Variants in LCLAT1 observed in about 807,000 individuals in gnomAD.
LCLAT1 encodes the protein lysocardiolipin acyltransferase 1.
Under a neutral mutation model 30.7 loss-of-function variants are expected in LCLAT1, and 11 were observed. That is an observed-to-expected ratio of 0.36 (90% confidence interval 0.23 to 0.59). The LOEUF (loss-of-function observed/expected upper bound fraction) is 0.59. Ranked by LOEUF, LCLAT1 falls within the 20% of genes least tolerant of loss-of-function variation. The probability of loss-of-function intolerance (pLI) is 0.77; values close to 1 mark genes in which losing one functional copy is unlikely to be tolerated. For synonymous variants in LCLAT1, 155 were observed against 151.3 expected, an observed-to-expected ratio of 1.02 and a Z score of -0.18; for missense variants, 402 against 458.6, an observed-to-expected ratio of 0.88 and a Z score of 1.13.
intron 5 of LCLAT1, among the ~76,000 whole-genome samples, chr2:30,635,024 T>C (rs1381210893): frequency 1.3e-5 from 2 of 152,210 alleles, no homozygotes; most frequent in African/African-American, 4.8e-5. Flanking sequence ...AGAATTTGGC[T>C]CTTCTACTCA....
At chr2:30,504,558 G>A (rs958162307) in intron 1 of LCLAT1, among the ~76,000 whole-genome samples, 2 of 152,162 alleles carry the variant, frequency 1.3e-5, no homozygotes, top group African/African-American at 2.4e-5. Flanking sequence ...TGTATGGCAA[G>A]CAATCATCTT....
At chr2:30,527,689 A>G (rs1362708451) in intron 2 of LCLAT1, among the ~76,000 whole-genome samples, 1 of 152,206 alleles carries the variant, frequency 6.6e-6, no homozygotes, top group Non-Finnish European at 1.5e-5. Context: ...CTCTATAAAA[A>G]GGAGTCTTAA....
intron 3 of LCLAT1, among the ~76,000 whole-genome samples, chr2:30,545,476 A>C (rs1339371268): frequency 6.6e-6 from 1 of 152,164 alleles, no homozygotes; most frequent in Non-Finnish European, 1.5e-5. Context: ...AATGGCTGAG[A>C]GTTTAGAATA....
At position 30,545,202 on chromosome 2, in the gene LCLAT1, A is replaced by G. The variant is rs562763996; in HGVS notation, c.364+11888A>G. Reference sequence around the variant, plus strand: ...GTTTGCCAGTGAGAGTTAAAAAGGGAATTAAAGTTGGAGTTTGCAGGAGGA... The same window carrying G: ...GTTTGCCAGTGAGAGTTAAAAAGGGGATTAAAGTTGGAGTTTGCAGGAGGA... On this transcript the variant is annotated intron_variant, in intron 3 of 5. Transcript: ENST00000379509. 3.9e-4 allele frequency among the ~76,000 whole-genome samples: 60 copies of G among 152,284 alleles called. No homozygotes were observed. The South Asian group carries it at 7.9e-3, about 20-fold the overall frequency.
In LCLAT1 at chr2:30,637,670, C is replaced by T. The variant is rs80140106; in HGVS notation, c.629-2447C>T. ...TCAGCTCACTGCAACCTCTGCCTCC[C>T]GGGTTCAAGCAATTCTCCTGCCTCA... On this transcript the variant is annotated intron_variant, in intron 5 of 5. Coordinates refer to ENST00000379509, the MANE Select transcript of LCLAT1 (RefSeq NM_001002257.3). Among the ~76,000 whole-genome samples, 682 of 152,202 alleles carry T rather than the reference C, an allele frequency of 4.5e-3. 16 individuals are homozygous for T. In the East Asian group the frequency reaches 0.067, roughly 15 times the overall value.
chr2:30,617,872 T>C lies in LCLAT1; in HGVS notation c.629-22245T>C, dbSNP rs376970038. ...TTATTATGGGCTTGCAAGAATGTTT[T>C]ATATATCTTAGATACAAGTTATTTA... On this transcript the variant is annotated intron_variant, in intron 5 of 5. Transcript: ENST00000379509. 3.9e-5 allele frequency among the ~76,000 whole-genome samples: 6 copies of C among 152,338 alleles called. No individual in the cohort carries two copies. In the East Asian group the frequency reaches 9.6e-4, roughly 24 times the overall value.
chr2:30,458,959 A>G (rs1157491815), intron 1 of LCLAT1, among the ~76,000 whole-genome samples: 1 of 152,260 alleles, frequency 6.6e-6, no homozygotes. Context: ...TTCTGATATA[A>G]GGAAATTACT....
chr2:30,465,770 A>G (rs1254954291), intron 1 of LCLAT1, among the ~76,000 whole-genome samples: 1 of 152,150 alleles, frequency 6.6e-6, no homozygotes, highest in African/African-American at 2.4e-5. Flanking sequence ...ATTTAGAATC[A>G]TTTATATTAT....
Position 30,528,353 on chromosome 2 carries a change from A to G in LCLAT1, c.165+2598A>G, listed in dbSNP as rs78166891. 7.0e-3 allele frequency among the ~76,000 whole-genome samples: 1,062 copies of G among 152,326 alleles called. 11 individuals carry two copies. Among genetic ancestry groups the G allele is most frequent in the African/African-American group, 0.024 (1,008 of 41,574 alleles). On this transcript the variant is annotated intron_variant, in intron 2 of 5. Coordinates refer to ENST00000379509, the MANE Select transcript of LCLAT1 (RefSeq NM_001002257.3). ...TATTATTACTGCTAGTAGCATTACT[A>G]TTACTGCAGAATTACATTATACACC...
chr2:30,528,924 A>T (rs141803625), intron 2 of LCLAT1, among the ~76,000 whole-genome samples: 10 of 152,334 alleles, frequency 6.6e-5, no homozygotes, highest in African/African-American at 2.2e-4. Flanking sequence ...TGAGATAGTG[A>T]ACATCTCTGT....
chr2:30,575,509 T>A (rs979701469), intron 5 of LCLAT1, among the ~76,000 whole-genome samples: 2 of 152,108 alleles, frequency 1.3e-5, no homozygotes, highest in African/African-American at 2.4e-5. Context: ...AGATTTTAAT[T>A]TATATGGAGT....
chr2:30,631,505 T>C (rs1336106270), intron 5 of LCLAT1, among the ~76,000 whole-genome samples: 1 of 152,202 alleles, frequency 6.6e-6, no homozygotes, highest in African/African-American at 2.4e-5. Flanking sequence ...AAAGGAAATA[T>C]TCAGGGTGCT....
chr2:30,543,614 T>C (rs1222516715), intron 3 of LCLAT1, among the ~76,000 whole-genome samples: 1 of 152,134 alleles, frequency 6.6e-6, no homozygotes, highest in Non-Finnish European at 1.5e-5. Context: ...TGAGTTGATA[T>C]TGAATTCTTT....
intron 5 of LCLAT1, among the ~76,000 whole-genome samples, chr2:30,578,209 A>G (rs1666073906): frequency 6.6e-6 from 1 of 152,136 alleles, no homozygotes; most frequent in Non-Finnish European, 1.5e-5. Flanking sequence ...TCCATGTAGA[A>G]ATTCTGATAA....
chr2:30,518,559 A>G (rs532709629), intron 1 of LCLAT1, among the ~76,000 whole-genome samples: 1 of 152,342 alleles, frequency 6.6e-6, no homozygotes, highest in Admixed American at 6.5e-5. Flanking sequence ...AAGGCCATGC[A>G]ATAGCCCCTG....
chr2:30,523,464 C>G (rs1685570040), intron 1 of LCLAT1, among the ~76,000 whole-genome samples: 1 of 152,164 alleles, frequency 6.6e-6, no homozygotes, highest in Non-Finnish European at 1.5e-5. Context: ...CGTTACCCCA[C>G]TTCTTTAAAG....
At chr2:30,554,395 T>C (rs1664823165) in intron 3 of LCLAT1, among the ~76,000 whole-genome samples, 1 of 152,238 alleles carries the variant, frequency 6.6e-6, no homozygotes, top group African/African-American at 2.4e-5. Context: ...ATATAAACTA[T>C]GTGTAATTAA....
At chr2:30,590,133 A>AAT (rs780529846) in intron 5 of LCLAT1, among the ~76,000 whole-genome samples, 12 of 152,078 alleles carry the variant, frequency 7.9e-5, no homozygotes, top group Non-Finnish European at 1.6e-4. Context: ...AGTTTTTTAG[A>AAT]ATCTGTTATG....
chr2:30,631,363 C>T (rs536661982), intron 5 of LCLAT1, among the ~76,000 whole-genome samples: 2 of 152,258 alleles, frequency 1.3e-5, no homozygotes, highest in Admixed American at 6.5e-5. Flanking sequence ...TCCCCAGTAA[C>T]GGATATAGGG....
Sources: gnomAD v4.1 joint callset for allele counts (sites outside exome capture counted in the v4.1 genomes callset) on GRCh38, gnomAD v4.1.1 for gene constraint, MANE v1.5 for transcripts, NCBI Gene and HGNC (gene_info 2026-07-23, HGNC 2026-07-21) for gene names.